Variants in MAML3 observed in about 807,000 individuals in gnomAD.
MAML3 encodes mastermind-like protein 3.
In MAML3, 27 loss-of-function variants were observed where a neutral mutation model predicts 101.9. The ratio of observed to expected loss-of-function variants is 0.27; its 90% CI spans 0.20 to 0.37. The LOEUF is 0.37. MAML3 is among the 10% of genes least tolerant of loss of function. MAML3 has a pLI of 1.00. For missense variants in MAML3, 1,316 were observed against 1,444.9 expected (o/e 0.91, Z 1.45); for synonymous variants, 501 against 555.9 (o/e 0.90, Z 1.39).
intron 1 of MAML3, among the ~76,000 whole-genome samples, chr4:140,104,362 TTA>T (rs1209519227): frequency 1.3e-5 from 1 of 76,706 alleles, no homozygotes; most frequent in African/African-American, 4.6e-5. Context: ...CAAACCTATT[TTA>T]TATATATATA....
intron 1 of MAML3, among the ~76,000 whole-genome samples, chr4:140,068,372 G>A (rs1456909412): frequency 1.3e-5 from 2 of 152,262 alleles, no homozygotes; most frequent in Admixed American, 6.5e-5. Flanking sequence ...TCAAGGGGAA[G>A]GTACAGTATG....
chr4:139,911,776 C>T (rs1158746965), intron 1 of MAML3, among the ~76,000 whole-genome samples: 3 of 152,204 alleles, frequency 2.0e-5, no homozygotes, highest in Non-Finnish European at 4.4e-5. Context: ...AGACAGTTGT[C>T]TATGATCCAG....
intron 2 of MAML3, among the ~76,000 whole-genome samples, chr4:139,822,217 T>C (rs2667363): frequency 9.8e-5 from 14 of 142,510 alleles, no homozygotes; most frequent in Admixed American, 2.2e-4. Context: ...TCATTATCAT[T>C]ATCACCATCA....
chr4:139,884,789 T>C (rs1251358530), intron 2 of MAML3, among the ~76,000 whole-genome samples: 4 of 152,222 alleles, frequency 2.6e-5, no homozygotes, highest in East Asian at 1.9e-4. Context: ...GCTTTCTCCA[T>C]TGGAGCTGAT....
intron 2 of MAML3, among the ~76,000 whole-genome samples, chr4:139,741,097 A>G (rs1729151398): frequency 6.6e-6 from 1 of 152,142 alleles, no homozygotes; most frequent in African/African-American, 2.4e-5. Flanking sequence ...CATTCCTATG[A>G]GTAGAAGCCT....
At chr4:139,786,856 C>T (rs949918176) in intron 2 of MAML3, among the ~76,000 whole-genome samples, 5 of 152,062 alleles carry the variant, frequency 3.3e-5, no homozygotes, top group African/African-American at 1.2e-4. Context: ...AAAGACAGCA[C>T]GATATATTGA....
intron 2 of MAML3, among the ~76,000 whole-genome samples, chr4:139,870,406 T>C (rs1028464814): frequency 1.3e-5 from 2 of 151,950 alleles, no homozygotes; most frequent in African/African-American, 4.8e-5. Flanking sequence ...TGAGAACCAC[T>C]GCTTTAGATC....
intron 1 of MAML3, among the ~76,000 whole-genome samples, chr4:139,897,815 A>G (rs1732641429): frequency 6.6e-6 from 1 of 152,090 alleles, no homozygotes; most frequent in South Asian, 2.1e-4. Context: ...CTGGATCCTC[A>G]TCCCAGCTAA....
intron 1 of MAML3, among the ~76,000 whole-genome samples, chr4:139,973,032 T>C (rs939306520): frequency 2.6e-5 from 4 of 152,210 alleles, no homozygotes; most frequent in Non-Finnish European, 5.9e-5. Context: ...CATTGAGCCA[T>C]TTACATTTTA....
At chr4:140,116,235 G>C (rs1183990995) in intron 1 of MAML3, among the ~76,000 whole-genome samples, 2 of 152,066 alleles carry the variant, frequency 1.3e-5, no homozygotes, top group African/African-American at 4.8e-5. Context: ...ATTAACATCT[G>C]GGCTCAAATT....
At chr4:139,721,315 A>T (rs552340231) in intron 4 of MAML3, among the ~76,000 whole-genome samples, 1 of 152,352 alleles carries the variant, frequency 6.6e-6, no homozygotes, top group South Asian at 2.1e-4. Context: ...CCAGTAGAAC[A>T]CCAGTCAACG....
At chr4:139,773,425 A>G (rs1337522983) in intron 2 of MAML3, among the ~76,000 whole-genome samples, 2 of 152,156 alleles carry the variant, frequency 1.3e-5, no homozygotes, top group African/African-American at 4.8e-5. Flanking sequence ...GGGAAATACA[A>G]TTTTCAAGAG....
intron 1 of MAML3, among the ~76,000 whole-genome samples, chr4:140,052,023 T>A (rs546655224): frequency 1.3e-5 from 2 of 152,320 alleles, no homozygotes; most frequent in South Asian, 4.1e-4. Flanking sequence ...AATGGCCCTA[T>A]TTCCATTCTT....
chr4:140,056,100 G>C (rs762736576), intron 1 of MAML3, among the ~76,000 whole-genome samples: 16 of 152,342 alleles, frequency 1.1e-4, no homozygotes, highest in Non-Finnish European at 2.1e-4. Context: ...GGATGGCTGA[G>C]ATGTTCCCAG....
At chr4:140,042,836 C>G (rs1278156675) in intron 1 of MAML3, among the ~76,000 whole-genome samples, 1 of 151,972 alleles carries the variant, frequency 6.6e-6, no homozygotes, top group Non-Finnish European at 1.5e-5. Context: ...ACATTCCAAC[C>G]CGGGCACAAA....
intron 2 of MAML3, among the ~76,000 whole-genome samples, chr4:139,787,274 A>G (rs1730323799): frequency 6.6e-6 from 1 of 151,654 alleles, no homozygotes; most frequent in Non-Finnish European, 1.5e-5. Context: ...CCCTCCTGGA[A>G]CAGGGAGATC....
intron 2 of MAML3, among the ~76,000 whole-genome samples, chr4:139,822,512 C>T (rs569446357): frequency 7.2e-5 from 11 of 152,276 alleles, no homozygotes; most frequent in African/African-American, 2.2e-4. Flanking sequence ...CCCTTATTGG[C>T]GCTAGACATA....
rs1474181978 is a variant in MAML3 at position 140,145,877 on chromosome 4, TC to T, written c.468+6982del. Among the ~76,000 whole-genome samples the T allele has an allele frequency of 4.2e-5, 3 of 71,766 alleles. No homozygotes were observed. The Admixed American group carries it at 5.6e-4, about 13-fold the overall frequency. 47.1% of individuals were successfully genotyped at this position (71,766 alleles called of 152,430 possible). A position where few individuals can be genotyped will look rare whatever the true frequency, so the allele number is the denominator to read the frequency against. ...TGCGCCTGGCCTTTTTTTTCTTTTTTCTTTTTTTTTTTTGAGAAGGATTTTT... is the reference window on the plus strand; with the variant it reads ...TGCGCCTGGCCTTTTTTTTCTTTTTTTTTTTTTTTTTTGAGAAGGATTTTT... On this transcript the variant is annotated intron_variant, in intron 1 of 4. Transcript: ENST00000509479.
chr4:140,022,682 A>G (rs1726750967), intron 1 of MAML3, among the ~76,000 whole-genome samples: 1 of 152,202 alleles, frequency 6.6e-6, no homozygotes, highest in African/African-American at 2.4e-5. Flanking sequence ...AGAAAAATTC[A>G]TCTCTTCTTT....
Sources: allele counts gnomAD v4.1 joint callset (sites outside exome capture counted in the v4.1 genomes callset), GRCh38; gene constraint gnomAD v4.1.1; transcripts MANE v1.5; gene names NCBI Gene and HGNC (gene_info 2026-07-23, HGNC 2026-07-21).